SAP18: variants seen among roughly 807,000 people sequenced by gnomAD.
SAP18 encodes the protein Sin3A associated protein 18.
SAP18 carries 4 observed loss-of-function variants against 18.6 expected under a neutral mutation model. That is an observed-to-expected ratio of 0.21 (90% CI 0.11 to 0.49). The LOEUF is 0.49. Ranked by LOEUF, SAP18 falls within the 20% of genes least tolerant of loss-of-function variation. The pLI is 0.98. For missense variants in SAP18, 170 were observed against 226.4 expected, an observed-to-expected ratio of 0.75 and a Z score of 1.60; for synonymous variants, 112 against 82.8, an observed-to-expected ratio of 1.35 and a Z score of -1.92.
chr13:21,145,038 A>G lies in SAP18; in HGVS notation c.240-1767A>G, dbSNP rs569904647. Among the ~76,000 whole-genome samples, 20 of 152,066 alleles carry G rather than the reference A, an allele frequency of 1.3e-4. 1 individual carries two copies. In the East Asian group the frequency reaches 3.7e-3, roughly 28 times the overall value. On this transcript the variant is annotated intron_variant, in intron 2 of 3. Transcript: ENST00000621421. ...TTGAGAGCTGACGTGACACCGGTGG[A>G]AAATTGCACACATAAGTTCTTGACC...
At chr13:21,140,459 AC>A (rs1318668011), upstream of SAP18, 53 of 1,398,906 alleles carry the variant, frequency 3.8e-5, no homozygotes, top group Admixed American at 5.1e-5. Flanking sequence ...CTCGCTCACC[AC>A]GCACGGAAGT....
intron 2 of SAP18, among the ~76,000 whole-genome samples, chr13:21,143,348 T>A (rs1869537001): frequency 6.6e-6 from 1 of 152,228 alleles, no homozygotes; most frequent in Admixed American, 6.5e-5. Context: ...TTTAAACTAT[T>A]TAAGCCCTGT....
rs756624393 is a variant in SAP18 at position 21,146,792 on chromosome 13, A to T, written c.240-13A>T. ...ATAAGCAAATGTAAATGTCTTTTTTAAAAAAAATCCAGGATGGATGCAACC... is the reference window on the plus strand; with the variant it reads ...ATAAGCAAATGTAAATGTCTTTTTTTAAAAAAATCCAGGATGGATGCAACC... On this transcript the variant is annotated splice_polypyrimidine_tract_variant and intron_variant, in intron 2 of 3. Transcript: ENST00000621421. 3.2e-5 allele frequency: 50 copies of T among 1,567,834 alleles called. No individual in the cohort carries two copies. Among genetic ancestry groups the T allele is most frequent in the Middle Eastern group, 2.0e-4 (1 of 4,952 alleles).
At chr13:21,143,908 C>T (rs115795652) in intron 2 of SAP18, among the ~76,000 whole-genome samples, 225 of 152,152 alleles carry the variant, frequency 1.5e-3, no homozygotes, top group African/African-American at 5.0e-3. Flanking sequence ...GCCCTCATTC[C>T]CAGAAATAGT....
exon 4 of SAP18, chr13:21,147,849 C>T (rs1009387466): frequency 2.0e-5 from 3 of 153,030 alleles, no homozygotes; most frequent in Non-Finnish European, 4.4e-5. Flanking sequence ...GAGATTGCCC[C>T]GCCTTGATCA....
Position 21,146,927 on chromosome 13 carries a change from G to T in SAP18, c.362G>T (p.Arg121Leu). 1 of 1,603,974 alleles carries T rather than the reference G, an allele frequency of 6.2e-7. No individual in the cohort carries two copies. Among genetic ancestry groups the T allele is most frequent in the South Asian group, 1.1e-5 (1 of 89,250 alleles). ...ACAGATGTTAAAAGACCTGGCTATC[G>T]GTAGGTAACTTCTCATTTTTAAGTC... The change falls in exon 3 of 4, where the codon CGA (arginine) becomes CTA (leucine). Residue 121 changes from arginine to leucine, a missense_variant and splice_region_variant. By Grantham distance (102) the Arg-to-Leu change is moderately radical. This residue lies in a region of SAP18 where 110 missense variants were observed against 200.2 expected (regional missense o/e 0.55). Transcript: ENST00000621421.
chr13:21,146,702 A>C, intron 2 of SAP18, 103 bp from the exon 3 acceptor site: 2 of 919,618 alleles, frequency 2.2e-6, no homozygotes, highest in Non-Finnish European at 3.1e-6. Context: ...TTCTAATGTA[A>C]ATCACAACTC....
intron 2 of SAP18, among the ~76,000 whole-genome samples, chr13:21,142,368 C>T (rs879624618): frequency 2.0e-5 from 3 of 151,654 alleles, no homozygotes; most frequent in Non-Finnish European, 4.4e-5. Context: ...ACTCTGTCAC[C>T]CAGGCTGGAG....
chr13:21,140,488 C>T (rs1869406412), upstream of SAP18: 15 of 1,494,674 alleles, frequency 1.0e-5, no homozygotes, highest in Admixed American at 2.0e-4. Flanking sequence ...CGCCAGGAGA[C>T]GCCCCGCCCA....
chr13:21,142,617 G>A (rs113036181), intron 2 of SAP18, among the ~76,000 whole-genome samples: 3,109 of 152,130 alleles, frequency 0.02, 44 homozygotes, highest in Middle Eastern at 0.088. Context: ...ATGAGCCACC[G>A]CACCTGGTCA....
intron 2 of SAP18, among the ~76,000 whole-genome samples, chr13:21,142,714 C>T (rs1869513263): frequency 6.6e-6 from 1 of 152,100 alleles, no homozygotes. Context: ...TTTATCCCTC[C>T]CTCCAACAGA....
chr13:21,141,233 C>T, intron 2 of SAP18: 1 of 555,924 alleles, frequency 1.8e-6, no homozygotes, highest in Non-Finnish European at 3.2e-6. Flanking sequence ...ATGGACAGAC[C>T]CAAGATTGCT....
At chr13:21,145,350 A>G (rs143222692) in intron 2 of SAP18, among the ~76,000 whole-genome samples, 2 of 152,246 alleles carry the variant, frequency 1.3e-5, no homozygotes, top group African/African-American at 4.8e-5. Flanking sequence ...TATCTTACGT[A>G]TATGCAAAAA....
intron 2 of SAP18, chr13:21,141,228 C>T (rs1477820897): frequency 2.7e-5 from 15 of 561,922 alleles, no homozygotes; most frequent in Non-Finnish European, 4.8e-5. Flanking sequence ...TAAGAATGGA[C>T]AGACCCAAGA....
rs1220207615 is a variant in SAP18 at position 21,140,696 on chromosome 13, C to G, written c.129+15C>G. 3 of 1,607,902 alleles carry G rather than the reference C, an allele frequency of 1.9e-6. No individual in the cohort carries two copies. Among genetic ancestry groups the G allele is most frequent in the East Asian group, 2.2e-5 (1 of 44,514 alleles). ...ACCGCGAGAAGGTGAAGGCCCCCTC[C>G]GCTTTGGGGTCCGGGAAGAGGTTGG... On this transcript the variant is annotated intron_variant, in intron 1 of 3. Transcript: ENST00000621421.
intron 2 of SAP18, chr13:21,141,286 A>G: frequency 2.2e-6 from 1 of 455,262 alleles, no homozygotes; most frequent in Non-Finnish European, 4.1e-6. Context: ...TAGGTAGATA[A>G]ATATGTTGTA....
intron 3 of SAP18, 25 bp downstream of exon 3, chr13:21,146,952 C>T (rs767778275): frequency 1.3e-6 from 2 of 1,587,900 alleles, no homozygotes; most frequent in Non-Finnish European, 1.7e-6. Context: ...ATTTTTAAGT[C>T]CTGTAATCTC....
chr13:21,146,574 G>A (rs1261444292), intron 2 of SAP18: 1 of 336,072 alleles, frequency 3.0e-6, no homozygotes, highest in Non-Finnish European at 5.5e-6. Flanking sequence ...GTCCCTTTTA[G>A]CACTAAGAGT....
At chr13:21,147,300 A>C in exon 4 of SAP18, 2 of 1,614,068 alleles carry the variant, frequency 1.2e-6, no homozygotes. Flanking sequence ...TTACCCCTCC[A>C]AATCGGGCAC....
Sources: gnomAD v4.1 joint callset for allele counts (sites outside exome capture counted in the v4.1 genomes callset) on GRCh38, gnomAD v4.1.1 for gene constraint, gnomAD v4.1.1 regional missense constraint, MANE v1.5 for transcripts, NCBI Gene and HGNC (gene_info 2026-07-23, HGNC 2026-07-21) for gene names.